The following PIEZO2 variants were observed in gnomAD, a reference collection of about 807,000 sequenced individuals.
The protein encoded by PIEZO2 is piezo-type mechanosensitive ion channel component 2.
A neutral mutation model predicts 337.3 loss-of-function variants in PIEZO2; 172 were observed. The observed-to-expected ratio is 0.51, with a 90% CI of 0.45 to 0.58. The LOEUF (loss-of-function observed/expected upper bound fraction) is 0.58, where lower values mean the gene tolerates loss of function less well. PIEZO2 is among the 20% of genes least tolerant of loss of function. The pLI is 0.00. For missense variants in PIEZO2, 3,028 were observed against 3,391.3 expected, an observed-to-expected ratio of 0.89 and a Z score of 2.66; for synonymous variants, 1,251 against 1,228.5, an observed-to-expected ratio of 1.02 and a Z score of -0.38.
Position 10,707,752 on chromosome 18 carries a change from C to G in PIEZO2, c.5588+523G>C, listed in dbSNP as rs1316000485. Among the ~76,000 whole-genome samples, 1 of 152,126 alleles carries G rather than the reference C, an allele frequency of 6.6e-6. No individual in the cohort carries two copies. Among genetic ancestry groups the G allele is most frequent in the Non-Finnish European group, 1.5e-5 (1 of 68,010 alleles). On this transcript the variant is annotated intron_variant, in intron 40 of 55. Transcript: ENST00000674853. This position sits in a 1 kb window ranked among gnomAD's most constrained non-coding sequence, Gnocchi z 4.2. Reference sequence around the variant, plus strand: ...TGCTGCATAATATTCTTTTTAAAAACCAATGGTAAACTATATTCTGACTTT... The same window carrying G: ...TGCTGCATAATATTCTTTTTAAAAAGCAATGGTAAACTATATTCTGACTTT...
intron 2 of PIEZO2, among the ~76,000 whole-genome samples, chr18:11,017,051 C>T (rs904460396): frequency 3.3e-5 from 5 of 152,088 alleles, no homozygotes; most frequent in East Asian, 1.9e-4. Context: ...CTCATAAGAA[C>T]GTGGTTCATG....
chr18:10,704,802 A>C, intron 41 of PIEZO2, 150 bp from the exon 42 acceptor site: 1 of 945,282 alleles, frequency 1.1e-6, no homozygotes. Context: ...CTCCTGCTTC[A>C]GCCTCCTGAG....
intron 30 of PIEZO2, among the ~76,000 whole-genome samples, chr18:10,747,792 G>A (rs776397406): frequency 6.6e-6 from 1 of 152,150 alleles, no homozygotes; most frequent in Non-Finnish European, 1.5e-5. Flanking sequence ...TCTGAACTTC[G>A]AGTCAAATGA....
Position 10,699,089 on chromosome 18 carries a change from C to G in PIEZO2, c.6530G>C (p.Arg2177Thr), listed in dbSNP as rs79992793. 9,117 of 1,537,244 alleles carry G rather than the reference C, an allele frequency of 5.9e-3. 141 individuals carry two copies. The East Asian group carries it at 0.075, about 13-fold the overall frequency. Residue 2177 changes from arginine (R) to threonine (T), a missense_variant, in exon 44 of 56, where the codon AGG (arginine) becomes ACG (threonine). By Grantham distance (71) the Arg-to-Thr change is moderately conservative. Around this residue, in one of 5 missense-constraint regions of PIEZO2, gnomAD observed 1,925 missense variants for 2,051.9 expected, o/e 0.94. Coordinates refer to ENST00000674853, the MANE Select transcript of PIEZO2 (RefSeq NM_001378183.1). ...CTTGAGAGAATCGGAGGAGTCCCTC[C>G]TGCCATGACCGAGGGAGAGCTCATC... ...SDDELSLGHGRRDSSDSLKSI... is the reference protein window; with the variant it reads ...SDDELSLGHGTRDSSDSLKSI...
In PIEZO2 at chr18:10,670,455, G is replaced by A. The variant is rs1276787310; in HGVS notation, c.*1072C>T. 1 of 152,062 alleles carries A rather than the reference G, an allele frequency of 6.6e-6. No individual in the cohort carries two copies. Among genetic ancestry groups the A allele is most frequent in the African/African-American group, 2.4e-5 (1 of 41,382 alleles). The allele number at this position is 152,062 out of a possible 1,614,324, so 9.4% of individuals were successfully genotyped here. ...TACCAATAATAATAATTTAAGAAAA[G>A]GCCATTTTTATTTCCCCAAGCTCAA... On this transcript the variant is annotated 3_prime_UTR_variant, in exon 56 of 56. Coordinates refer to ENST00000674853, the MANE Select transcript of PIEZO2 (RefSeq NM_001378183.1).
intron 35 of PIEZO2, among the ~76,000 whole-genome samples, chr18:10,732,637 G>A (rs2036833087): frequency 6.6e-6 from 1 of 152,136 alleles, no homozygotes; most frequent in African/African-American, 2.4e-5. Context: ...TATTATTTCT[G>A]AATAACAAAT....
In PIEZO2 at chr18:11,083,599, T is replaced by A. The variant is rs763223143; in HGVS notation, c.65-17377A>T. Among the ~76,000 whole-genome samples the A allele has an allele frequency of 1.6e-5, 2 of 123,434 alleles. No individual in the cohort carries two copies. The highest frequency in any genetic ancestry group is 3.2e-5 in the Non-Finnish European group (2 of 61,692). 81.0% of individuals were successfully genotyped at this position (123,434 alleles called of 152,430 possible). A position where few individuals can be genotyped will look rare whatever the true frequency, so the allele number is the denominator to read the frequency against. On this transcript the variant is annotated intron_variant, in intron 1 of 55. Coordinates refer to ENST00000674853, the MANE Select transcript of PIEZO2 (RefSeq NM_001378183.1). The surrounding 1 kb of genome is among the most constrained non-coding windows in gnomAD (Gnocchi z 4.4). ...CCTGTGGCATGCAGAACTTCCAAAG[T>A]TACTTATGAAAGGCTTGGTGCAGAG...
In PIEZO2 at chr18:11,002,319, T is replaced by C. The variant is rs930467387; in HGVS notation, c.161-22659A>G. Among the ~76,000 whole-genome samples, 1 of 152,208 alleles carries C rather than the reference T, an allele frequency of 6.6e-6. No homozygotes were observed. Among genetic ancestry groups the C allele is most frequent in the Non-Finnish European group, 1.5e-5 (1 of 68,030 alleles). On this transcript the variant is annotated intron_variant, in intron 2 of 55. Coordinates refer to ENST00000674853, the MANE Select transcript of PIEZO2 (RefSeq NM_001378183.1). This position sits in a 1 kb window ranked among gnomAD's most constrained non-coding sequence, Gnocchi z 4.3. ...GGCTGTAGTTTGCTGATCCCTGCTC[T>C]AGCTGGAGAAAGCATACTTCAGAGT...
intron 21 of PIEZO2, among the ~76,000 whole-genome samples, chr18:10,764,468 C>T (rs901739430): frequency 1.3e-5 from 2 of 151,880 alleles, no homozygotes; most frequent in African/African-American, 2.4e-5. Flanking sequence ...GGTGAAACCC[C>T]GTCTCTACTA....
rs971773243 is a variant in PIEZO2 at position 11,116,787 on chromosome 18, G to A, written c.64+31738C>T. On this transcript the variant is annotated intron_variant, in intron 1 of 55. Transcript: ENST00000674853. The surrounding 1 kb of genome is among the most constrained non-coding windows in gnomAD (Gnocchi z 5.0). ...TTACTCCATCTAACTGTATAGCACA[G>A]TAGGGTGACTATAGTTAACAATAAT... 2.0e-5 allele frequency among the ~76,000 whole-genome samples: 3 copies of A among 151,868 alleles called. No individual in the cohort carries two copies. The highest frequency in any genetic ancestry group is 4.8e-5 in the African/African-American group (2 of 41,348).
chr18:10,975,236 A>G (rs1323372544), intron 3 of PIEZO2, among the ~76,000 whole-genome samples: 2 of 152,232 alleles, frequency 1.3e-5, no homozygotes, highest in African/African-American at 2.4e-5. Context: ...AAGAATCCAG[A>G]CTGGCCTTCA....
chr18:10,752,691 C>A lies in PIEZO2; in HGVS notation c.4112G>T (p.Trp1371Leu). 2 of 1,537,252 alleles carry A rather than the reference C, an allele frequency of 1.3e-6. No individual in the cohort carries two copies. The highest frequency in any genetic ancestry group is 8.7e-7 in the Non-Finnish European group (1 of 1,146,910). ...AACGTTGTATGCGATCAGCCAGTCC[C>A]AGTAGCGCAGGATGCTCTTGATGGG... ...LKPIKSILRY[W>L]DWLIAYNVFV... The change falls in exon 28 of 56, where the codon TGG (tryptophan) becomes TTG (leucine). Residue 1371 changes from tryptophan (W) to leucine (L), a missense_variant. Coordinates refer to ENST00000674853, the MANE Select transcript of PIEZO2 (RefSeq NM_001378183.1).
chr18:11,139,874 T>G (rs1206744804), intron 1 of PIEZO2, among the ~76,000 whole-genome samples: 1 of 152,064 alleles, frequency 6.6e-6, no homozygotes, highest in Non-Finnish European at 1.5e-5. Flanking sequence ...ACAGATCGAG[T>G]CAGAATTCAG....
Position 11,035,465 on chromosome 18 carries a change from C to A in PIEZO2, c.160+30662G>T, listed in dbSNP as rs2036897353. Reference sequence around the variant, plus strand: ...GCCGTGCTTGCACAGCCTGCAGGACCATGAGTTAAATAAACCTGTTTCCTT... The same window carrying A: ...GCCGTGCTTGCACAGCCTGCAGGACAATGAGTTAAATAAACCTGTTTCCTT... On this transcript the variant is annotated intron_variant, in intron 2 of 55. Transcript: ENST00000674853. This position sits in a 1 kb window ranked among gnomAD's most constrained non-coding sequence, Gnocchi z 4.3. Among the ~76,000 whole-genome samples the A allele has an allele frequency of 6.6e-6, 1 of 152,158 alleles. No individual in the cohort carries two copies. The highest frequency in any genetic ancestry group is 1.5e-5 in the Non-Finnish European group (1 of 68,042).
At position 10,819,623 on chromosome 18, in the gene PIEZO2, ATGT is replaced by A. The variant is rs1387491440; in HGVS notation, c.918-12352_918-12350del. ...GCACAATTACACAGGTGTTTTCTCAATGTTGTTCTCAATGCATCATCGGTGTTC... is the reference window on the plus strand; with the variant it reads ...GCACAATTACACAGGTGTTTTCTCAATGTTCTCAATGCATCATCGGTGTTC... On this transcript the variant is annotated intron_variant, in intron 7 of 55. Transcript: ENST00000674853. This position sits in a 1 kb window ranked among gnomAD's most constrained non-coding sequence, Gnocchi z 4.3. Among the ~76,000 whole-genome samples, 4 of 152,196 alleles carry A rather than the reference ATGT, an allele frequency of 2.6e-5. No individual in the cohort carries two copies. Among genetic ancestry groups the A allele is most frequent in the Non-Finnish European group, 5.9e-5 (4 of 68,026 alleles).
rs571716370 is a variant in PIEZO2, at chr18:10,962,321, G to C, written c.286+17214C>G. On this transcript the variant is annotated intron_variant, in intron 3 of 55. Transcript: ENST00000674853. The surrounding 1 kb of genome is among the most constrained non-coding windows in gnomAD (Gnocchi z 4.1). ...CCTCCGCTTGCCTGCAGCTTTTCCTGGTCACTCACGGCCCTCCCTCGGCTC... is the reference window on the plus strand; with the variant it reads ...CCTCCGCTTGCCTGCAGCTTTTCCTCGTCACTCACGGCCCTCCCTCGGCTC... 6.6e-6 allele frequency among the ~76,000 whole-genome samples: 1 copy of C among 152,212 alleles called. No individual in the cohort carries two copies. Among genetic ancestry groups the C allele is most frequent in the East Asian group, 1.9e-4 (1 of 5,168 alleles).
chr18:10,916,949 A>G (rs1392221655), intron 3 of PIEZO2, among the ~76,000 whole-genome samples: 1 of 152,048 alleles, frequency 6.6e-6, no homozygotes, highest in Non-Finnish European at 1.5e-5. Flanking sequence ...TTTTTATTCC[A>G]CAAAGTTGTA....
At chr18:10,753,460 C>T (rs1326660983) in intron 27 of PIEZO2, among the ~76,000 whole-genome samples, 4 of 152,162 alleles carry the variant, frequency 2.6e-5, no homozygotes, top group Non-Finnish European at 5.9e-5. Flanking sequence ...TGCTGCTTTC[C>T]TCATGGAAGG....
rs1368911474 is a variant in PIEZO2, at chr18:10,784,794, T to C, written c.2482A>G (p.Thr828Ala). ...CTTCCAGTGGCTCACCTGTAGATGG[T>C]GTTGTCTTCTTTGCTGGGAATGGAC... is the stretch of plus-strand genomic sequence containing the variant. ...LKSIPSKEDN[T>A]IYSHAKVNGR... Residue 828 changes from threonine to alanine, a missense_variant, in exon 17 of 56, where the codon ACC (threonine) becomes GCC (alanine). Coordinates refer to ENST00000674853, the MANE Select transcript of PIEZO2 (RefSeq NM_001378183.1). The surrounding 1 kb of genome is among the most constrained non-coding windows in gnomAD (Gnocchi z 4.5). 40 of 1,536,394 alleles carry C rather than the reference T, an allele frequency of 2.6e-5. No individual in the cohort carries two copies. Among genetic ancestry groups the C allele is most frequent in the Non-Finnish European group, 3.5e-5 (40 of 1,146,348 alleles).
Sources: allele counts gnomAD v4.1 joint callset (sites outside exome capture counted in the v4.1 genomes callset), GRCh38; gene constraint gnomAD v4.1.1; regional missense constraint gnomAD v4.1.1; non-coding constraint Gnocchi (gnomAD v3.1); transcripts MANE v1.5; gene names NCBI Gene and HGNC (gene_info 2026-07-23, HGNC 2026-07-21).